The following WDR11 variants were observed in gnomAD, a reference collection of about 807,000 sequenced individuals.
WDR11 encodes WD repeat-containing protein 11.
WDR11 carries 83 observed loss-of-function variants against 151.2 expected under a neutral mutation model. The observed-to-expected ratio is 0.55, with a 90% CI of 0.46 to 0.66. The LOEUF is 0.66. WDR11 is among the 30% of genes least tolerant of loss of function. WDR11 has a pLI of 0.00. For synonymous variants in WDR11, 484 were observed against 533.1 expected (o/e 0.91, Z 1.27); for missense variants, 1,301 against 1,480.9 (o/e 0.88, Z 1.99).
At chr10:120,870,837 AATGCAAGTTCTCT>A (rs2133755796) in intron 9 of WDR11, among the ~76,000 whole-genome samples, 1 of 152,322 alleles carries the variant, frequency 6.6e-6, no homozygotes, top group East Asian at 1.9e-4. Flanking sequence ...ACTGTTCTCT[AATGCAAGTTCTCT>A]TGCTTTGTTC....
chr10:120,900,565 T>G (rs7896567), intron 20 of WDR11, among the ~76,000 whole-genome samples: 1 of 151,962 alleles, frequency 6.6e-6, no homozygotes, highest in Non-Finnish European at 1.5e-5. Context: ...ACTATTAGTG[T>G]TTATTAATTA....
In WDR11 at chr10:120,860,094, A is replaced by T. The variant is rs369399079; in HGVS notation, c.353-15A>T. ...TGGTTTCTGAATTTTGCCTTTCTTTATCGGGTCTTTCCAGATGTTCAGTGG... is the reference window on the plus strand; with the variant it reads ...TGGTTTCTGAATTTTGCCTTTCTTTTTCGGGTCTTTCCAGATGTTCAGTGG... On this transcript the variant is annotated splice_polypyrimidine_tract_variant and intron_variant, in intron 3 of 28. Transcript: ENST00000263461. 2 of 1,614,124 alleles carry T rather than the reference A, an allele frequency of 1.2e-6. No individual in the cohort carries two copies. Among genetic ancestry groups the T allele is most frequent in the East Asian group, 4.5e-5 (2 of 44,870 alleles).
At chr10:120,890,961 G>A in intron 19 of WDR11, 74 bp downstream of exon 19, 1 of 1,437,306 alleles carries the variant, frequency 7.0e-7, no homozygotes, top group Non-Finnish European at 9.8e-7. Context: ...TTTGGGGAGA[G>A]AGCTGCTGCT....
chr10:120,904,587 TAA>T (rs1307457424), intron 24 of WDR11, 57 bp from the exon 25 acceptor site: 66 of 1,604,586 alleles, frequency 4.1e-5, no homozygotes, highest in Non-Finnish European at 5.4e-5. Flanking sequence ...TTATGAATTT[TAA>T]AAAGTTATGT....
intron 16 of WDR11, among the ~76,000 whole-genome samples, chr10:120,887,934 TA>T (rs761751208): frequency 3.4e-4 from 33 of 98,034 alleles, no homozygotes; most frequent in Admixed American, 2.1e-3. Context: ...ATTTCTTTAA[TA>T]TTTTTTTTTA....
intron 9 of WDR11, among the ~76,000 whole-genome samples, chr10:120,869,850 C>T (rs533244006): frequency 1.3e-3 from 202 of 152,044 alleles, no homozygotes; most frequent in African/African-American, 4.6e-3. Flanking sequence ...AGTGCGGTGG[C>T]GCAATCTCGG....
intron 23 of WDR11, 137 bp from the exon 24 acceptor site, chr10:120,903,910 G>A (rs1446021141): frequency 3.2e-6 from 2 of 621,252 alleles, no homozygotes; most frequent in African/African-American, 1.9e-5. Flanking sequence ...AATGTTTGGG[G>A]TGCTGTAAAG....
At position 120,858,641 on chromosome 10, in the gene WDR11, A is replaced by G; in HGVS notation, c.199-2A>G. The G allele has an allele frequency of 6.2e-7, 1 of 1,614,182 alleles. No homozygotes were observed. On this transcript the variant is annotated splice_acceptor_variant, in intron 2 of 28. Coordinates refer to ENST00000263461, the MANE Select transcript of WDR11 (RefSeq NM_018117.12). LOFTEE classifies it high-confidence loss of function. ...ACTTGATCTGATTTCTTCTTGATACAGGTTAAATGGGCCAGGGAAAACTAT... is the reference window on the plus strand; with the variant it reads ...ACTTGATCTGATTTCTTCTTGATACGGGTTAAATGGGCCAGGGAAAACTAT...
chr10:120,885,783 A>T, intron 14 of WDR11, 31 bp from the exon 15 acceptor site: 1 of 1,612,700 alleles, frequency 6.2e-7, no homozygotes, highest in Non-Finnish European at 8.5e-7. Flanking sequence ...GAAACCTAGC[A>T]CTTCTAGGTT....
At chr10:120,862,949 C>T in intron 5 of WDR11, 28 bp downstream of exon 5, 1 of 1,421,416 alleles carries the variant, frequency 7.0e-7, no homozygotes, top group Non-Finnish European at 1.0e-6. Flanking sequence ...AATTAACATT[C>T]ATCTACTTAT....
chr10:120,901,155 A>G, intron 21 of WDR11, 57 bp downstream of exon 21: 1 of 1,381,216 alleles, frequency 7.2e-7, no homozygotes, highest in East Asian at 2.3e-5. Context: ...AATGCAATTC[A>G]ACTTTAAATG....
chr10:120,908,993 C>CTTTTTAAT lies in WDR11; in HGVS notation c.*286_*293dup, dbSNP rs1216894571. 2.5e-6 allele frequency: 1 copy of CTTTTTAAT among 400,708 alleles called. No individual in the cohort carries two copies. The highest frequency in any genetic ancestry group is 4.0e-5 in the Admixed American group (1 of 24,812). The allele number at this position is 400,708 out of a possible 1,614,324, so 24.8% of individuals were successfully genotyped here. Reference sequence around the variant, plus strand: ...AGAGCTTTAAGAGTCCCTGGAAATACTTTTTAATTTTTTTAACTTAAAATT... The same window carrying CTTTTTAAT: ...AGAGCTTTAAGAGTCCCTGGAAATACTTTTTAATTTTTTAATTTTTTTAACTTAAAATT... On this transcript the variant is annotated 3_prime_UTR_variant, in exon 29 of 29. Coordinates refer to ENST00000263461, the MANE Select transcript of WDR11 (RefSeq NM_018117.12).
intron 9 of WDR11, among the ~76,000 whole-genome samples, chr10:120,868,969 C>T (rs1846417479): frequency 6.6e-6 from 1 of 152,056 alleles, no homozygotes; most frequent in Non-Finnish European, 1.5e-5. Flanking sequence ...GTTAATTCAC[C>T]TTGTCTACTC....
At chr10:120,905,224 C>T (rs1847987665) in intron 25 of WDR11, 95 bp from the exon 26 acceptor site, 6 of 1,203,886 alleles carry the variant, frequency 5.0e-6, no homozygotes, top group South Asian at 1.2e-5. Flanking sequence ...AAAATGGGCA[C>T]GACTAGATAA....
intron 19 of WDR11, 28 bp from the exon 20 acceptor site, chr10:120,900,001 T>G (rs763367530): frequency 1.3e-6 from 2 of 1,588,374 alleles, no homozygotes; most frequent in Non-Finnish European, 8.6e-7. Flanking sequence ...CTTCATTTTA[T>G]TTTTAAAAAC....
At chr10:120,852,322 G>A (rs1313772335) in intron 1 of WDR11, 4 of 553,958 alleles carry the variant, frequency 7.2e-6, no homozygotes, top group Non-Finnish European at 9.6e-6. Flanking sequence ...TTATCCGAAT[G>A]AAAAGTGAAT....
rs1847196599 is a variant in WDR11 at position 120,885,816 on chromosome 10, G to A, written c.1851G>A (p.Glu617=). Residue 617 remains glutamate, a splice_region_variant and synonymous_variant, in exon 15 of 29, where the codon GAG becomes GAA. Transcript: ENST00000263461. ...SKNFPTITAL[E]WSPSHNLKSL... Reference sequence around the variant, plus strand: ...GTTTGTCTGCATTTGCTTTACAGGAGTGGTCACCATCTCACAACTTGAAGA... The same window carrying A: ...GTTTGTCTGCATTTGCTTTACAGGAATGGTCACCATCTCACAACTTGAAGA... 1.9e-6 allele frequency: 3 copies of A among 1,613,660 alleles called. No individual in the cohort carries two copies. Among genetic ancestry groups the A allele is most frequent in the Non-Finnish European group, 2.5e-6 (3 of 1,179,682 alleles).
intron 4 of WDR11, among the ~76,000 whole-genome samples, chr10:120,861,464 C>T (rs1433473081): frequency 2.0e-5 from 3 of 152,076 alleles, no homozygotes; most frequent in African/African-American, 4.8e-5. Context: ...TTGGCAGAGT[C>T]AGGGAAGGAG....
intron 10 of WDR11, among the ~76,000 whole-genome samples, chr10:120,873,081 A>T (rs953458593): frequency 6.6e-6 from 1 of 152,194 alleles, no homozygotes; most frequent in Non-Finnish European, 1.5e-5. Flanking sequence ...CTTTAGACAT[A>T]CTACCTGAGA....
Sources: gnomAD v4.1 joint callset for allele counts (sites outside exome capture counted in the v4.1 genomes callset) on GRCh38, gnomAD v4.1.1 for gene constraint, MANE v1.5 for transcripts, NCBI Gene and HGNC (gene_info 2026-07-23, HGNC 2026-07-21) for gene names.